The following UGT1A3 variants were observed in gnomAD, a reference collection of about 807,000 sequenced individuals.
UGT1A3 encodes the protein UDP-glucuronosyltransferase 1A3.
In UGT1A3, 31 loss-of-function variants were observed where a neutral mutation model predicts 41.0. That is an observed-to-expected ratio of 0.76 (90% CI 0.57 to 1.02). The LOEUF is 1.02. Ranked by LOEUF, UGT1A3 falls within the 50% of genes least tolerant of loss-of-function variation. The probability of loss-of-function intolerance (pLI) is 0.00; values close to 1 mark genes in which losing one functional copy is unlikely to be tolerated. For synonymous variants in UGT1A3, 262 were observed against 257.6 expected (o/e 1.02, Z -0.17); for missense variants, 737 against 671.0 (o/e 1.10, Z -1.09).
intron 1 of UGT1A3, among the ~76,000 whole-genome samples, chr2:233,730,881 T>C (rs2078083479): frequency 6.6e-6 from 1 of 152,122 alleles, no homozygotes. Context: ...CAGGTTTCTA[T>C]AGTGGGATCT....
In UGT1A3 at chr2:233,729,153, G is replaced by A; in HGVS notation, c.27G>A (p.Leu9=). MATGLQVP[L]PWLATGLLLL... is the part of the protein sequence containing the mutation. ...TGGCCACAGGACTCCAGGTTCCCCT[G>A]CCGTGGCTGGCCACAGGACTGCTGC... The change falls in exon 1 of 5, where the codon CTG becomes CTA. Residue 9 remains leucine (L), a synonymous_variant. Transcript: ENST00000482026. The A allele has an allele frequency of 2.5e-6, 4 of 1,613,546 alleles. No homozygotes were observed. Among genetic ancestry groups the A allele is most frequent in the Non-Finnish European group, 3.4e-6 (4 of 1,179,900 alleles).
intron 1 of UGT1A3, among the ~76,000 whole-genome samples, chr2:233,757,561 T>C (rs1218840720): frequency 8.3e-6 from 1 of 121,180 alleles, no homozygotes; most frequent in Non-Finnish European, 1.7e-5. Context: ...TATATATATA[T>C]GTATATATGA....
intron 1 of UGT1A3, among the ~76,000 whole-genome samples, chr2:233,766,658 C>A (rs1575821914): frequency 6.6e-6 from 1 of 152,166 alleles, no homozygotes; most frequent in Admixed American, 6.5e-5. Flanking sequence ...AAAGGGACCA[C>A]GCCCTTCCCA....
Position 233,766,627 on chromosome 2 carries a change from T to G in UGT1A3, c.868-407T>G, listed in dbSNP as rs28900401. On this transcript the variant is annotated intron_variant, in intron 1 of 4. Transcript: ENST00000482026. ...CACCCTCTTCTACCCAGCACTTCCC[T>G]TCCCTACTTCCATATCATTTAAAGG... 9.6e-3 allele frequency among the ~76,000 whole-genome samples: 1,465 copies of G among 152,310 alleles called. 33 individuals are homozygous for G. The highest frequency in any genetic ancestry group is 0.033 in the African/African-American group (1,374 of 41,578).
chr2:233,754,469 T>C (rs1695491558), intron 1 of UGT1A3: 1 of 357,106 alleles, frequency 2.8e-6, no homozygotes, highest in Non-Finnish European at 5.5e-6. Flanking sequence ...GTTCTGAAAG[T>C]AAAGTTCACT....
intron 1 of UGT1A3, among the ~76,000 whole-genome samples, chr2:233,754,013 A>G (rs1002247904): frequency 2.0e-5 from 3 of 152,240 alleles, no homozygotes; most frequent in African/African-American, 7.2e-5. Flanking sequence ...TGTTACAGCC[A>G]TGATAGGAAA....
chr2:233,757,560 A>ATATATATATATATATGTG, intron 1 of UGT1A3, among the ~76,000 whole-genome samples: 1 of 123,156 alleles, frequency 8.1e-6, no homozygotes, highest in African/African-American at 3.4e-5. Flanking sequence ...ATATATATAT[A>ATATATATATATATATGTG]TGTATATATG....
At chr2:233,770,673 AAAG>A (rs1468674033) in intron 4 of UGT1A3, 2 of 152,078 alleles carry the variant, frequency 1.3e-5, no homozygotes, top group Admixed American at 6.6e-5. Context: ...AAAAAAAAAA[AAAG>A]AAGGTTCCAA....
rs905208353 is a variant in UGT1A3 at position 233,747,345 on chromosome 2, C to T, written c.867+17352C>T. On this transcript the variant is annotated intron_variant, in intron 1 of 4. Coordinates refer to ENST00000482026, the MANE Select transcript of UGT1A3 (RefSeq NM_019093.4). ...TTGATGGCAGCCACTGGCTCGCATG[C>T]GGGAGGCCGTGCGGGAGCTCCATGC... is the stretch of plus-strand genomic sequence containing the variant. 3.8e-5 allele frequency: 61 copies of T among 1,602,546 alleles called. No individual in the cohort carries two copies. In the East Asian group the frequency reaches 5.4e-4, roughly 14 times the overall value.
chr2:233,768,064 A>T, intron 3 of UGT1A3, 128 bp downstream of exon 3: 6 of 1,598,982 alleles, frequency 3.8e-6, no homozygotes, highest in Non-Finnish European at 4.3e-6. Context: ...ATTGCTTTTT[A>T]TCTAGTGGGG....
chr2:233,730,165 G>T (rs142374428), intron 1 of UGT1A3, among the ~76,000 whole-genome samples, 172 bp downstream of exon 1: 1 of 152,156 alleles, frequency 6.6e-6, no homozygotes. Context: ...CTCTAGTAGC[G>T]TATTTCAGGT....
Position 233,729,197 on chromosome 2 carries a change from C to T in UGT1A3, c.71C>T (p.Pro24Leu), listed in dbSNP as rs569872278. ...TGLLLLLSVQPWAESGKVLVV... is the reference protein window; with the variant it reads ...TGLLLLLSVQLWAESGKVLVV... The stretch of plus-strand genomic sequence containing the variant: ...CTGCTGCTTCTCCTCAGTGTCCAGC[C>T]CTGGGCTGAGAGTGGAAAGGTGTTG... Residue 24 changes from proline to leucine, a missense_variant, in exon 1 of 5, where the codon CCC (proline) becomes CTC (leucine). Coordinates refer to ENST00000482026, the MANE Select transcript of UGT1A3 (RefSeq NM_019093.4). 4.3e-6 allele frequency: 7 copies of T among 1,614,002 alleles called. No homozygotes were observed. The African/African-American group carries it at 8.0e-5, about 18-fold the overall frequency.
At chr2:233,730,116 T>C in intron 1 of UGT1A3, 123 bp downstream of exon 1, 1 of 1,558,872 alleles carries the variant, frequency 6.4e-7, no homozygotes, top group Non-Finnish European at 8.7e-7. Flanking sequence ...TGCTTCTCCT[T>C]GTCATAATAG....
rs773243405 is a variant in UGT1A3 at position 233,729,111 on chromosome 2, C to T, written c.-16C>T. The T allele has an allele frequency of 3.0e-5, 49 of 1,612,868 alleles. No homozygotes were observed. The highest frequency in any genetic ancestry group is 4.0e-5 in the Non-Finnish European group (47 of 1,179,926). ...AGCGTGGGGTGGACAGTCAGCTGTC[C>T]GTGTCTTCTGCTGAGATGGCCACAG... On this transcript the variant is annotated 5_prime_UTR_variant, in exon 1 of 5. Coordinates refer to ENST00000482026, the MANE Select transcript of UGT1A3 (RefSeq NM_019093.4).
chr2:233,755,070 C>G, intron 1 of UGT1A3: 1 of 1,336,550 alleles, frequency 7.5e-7, no homozygotes, highest in African/African-American at 1.5e-5. Flanking sequence ...CTCGCCATAG[C>G]GGTCATAGAT....
intron 1 of UGT1A3, chr2:233,754,418 A>T: frequency 2.9e-6 from 1 of 342,598 alleles, no homozygotes; most frequent in Non-Finnish European, 5.7e-6. Context: ...CAATAAAGAC[A>T]GGCATTGGCA....
intron 4 of UGT1A3, among the ~76,000 whole-genome samples, chr2:233,771,796 C>G (rs373628815): frequency 4.6e-5 from 7 of 151,828 alleles, no homozygotes; most frequent in African/African-American, 1.7e-4. Flanking sequence ...CCCTCCCTCC[C>G]TCCCTCCCTT....
intron 1 of UGT1A3, among the ~76,000 whole-genome samples, chr2:233,763,564 T>C (rs1698345105): frequency 6.6e-6 from 1 of 152,236 alleles, no homozygotes; most frequent in Non-Finnish European, 1.5e-5. Context: ...AAGTTACTGT[T>C]CTTATTTTCT....
chr2:233,744,202 G>A (rs982618462), intron 1 of UGT1A3, among the ~76,000 whole-genome samples: 3 of 151,822 alleles, frequency 2.0e-5, no homozygotes, highest in Non-Finnish European at 4.4e-5. Flanking sequence ...AAAAAGGATG[G>A]GAAAAAGAGG....
Sources: allele counts gnomAD v4.1 joint callset (sites outside exome capture counted in the v4.1 genomes callset), GRCh38; gene constraint gnomAD v4.1.1; transcripts MANE v1.5; gene names NCBI Gene and HGNC (gene_info 2026-07-23, HGNC 2026-07-21).